RFX3: variants seen among roughly 807,000 people sequenced by gnomAD.
RFX3 encodes the protein regulatory factor X3, also known as transcription factor RFX3.
In RFX3, 14 loss-of-function variants were observed where a neutral mutation model predicts 98.6. The observed-to-expected ratio is 0.14, with a 90% CI of 0.09 to 0.22. The LOEUF (loss-of-function observed/expected upper bound fraction) is 0.22. Among genes scored for constraint, RFX3 ranks in the 10% least tolerant of loss-of-function variants. RFX3 has a pLI of 1.00. For synonymous variants in RFX3, 383 were observed against 328.4 expected (o/e 1.17, Z -1.80); for missense variants, 639 against 926.9 (o/e 0.69, Z 4.03).
rs1286734590 is a variant in RFX3, at chr9:3,475,839, AACTCCCCTGGGGAAAGGGAG to A, written c.-9+49888_-9+49907del. ...GAGGTGGAGTAGAGTGTCTTCTCTAAACTCCCCTGGGGAAAGGGAGACTCCCCTTCCCAGTCTGCTAAGTA... is the reference window on the plus strand; with the variant it reads ...GAGGTGGAGTAGAGTGTCTTCTCTAAACTCCCCTTCCCAGTCTGCTAAGTA... On this transcript the variant is annotated intron_variant, in intron 1 of 16. Coordinates refer to ENST00000617270, the MANE Select transcript of RFX3 (RefSeq NM_001282116.2). Among the ~76,000 whole-genome samples the A allele has an allele frequency of 3.9e-5, 6 of 152,198 alleles. No homozygotes were observed. In the East Asian group the frequency reaches 1.2e-3, roughly 29 times the overall value.
At chr9:3,326,539 T>C (rs565198800) in intron 4 of RFX3, among the ~76,000 whole-genome samples, 82 of 152,286 alleles carry the variant, frequency 5.4e-4, no homozygotes, top group African/African-American at 1.9e-3. Flanking sequence ...TATGTGTCCA[T>C]GTATTCTCAT....
chr9:3,502,346 A>C (rs987917636), intron 1 of RFX3, among the ~76,000 whole-genome samples: 21 of 152,150 alleles, frequency 1.4e-4, no homozygotes, highest in Non-Finnish European at 2.4e-4. Context: ...AAATGAGCTG[A>C]TTTTTGAAAT....
chr9:3,423,452 G>C (rs988668300), intron 1 of RFX3, among the ~76,000 whole-genome samples: 2 of 152,128 alleles, frequency 1.3e-5, no homozygotes, highest in African/African-American at 2.4e-5. Flanking sequence ...GGAATAAAAA[G>C]AACTATTCAT....
Position 3,230,524 on chromosome 9 carries a change from A to G in RFX3, c.1969-1635T>C, listed in dbSNP as rs186231935. ...TCTAAATAAAAATTCAGTGTAAATTATGTGGATTTTCTTGAATTAAAGAAT... is the reference window on the plus strand; with the variant it reads ...TCTAAATAAAAATTCAGTGTAAATTGTGTGGATTTTCTTGAATTAAAGAAT... On this transcript the variant is annotated intron_variant, in intron 15 of 16. Coordinates refer to ENST00000617270, the MANE Select transcript of RFX3 (RefSeq NM_001282116.2). 2.7e-3 allele frequency among the ~76,000 whole-genome samples: 414 copies of G among 152,328 alleles called. 3 individuals carry two copies. Among genetic ancestry groups the G allele is most frequent in the African/African-American group, 9.7e-3 (403 of 41,586 alleles).
At chr9:3,363,053 G>A (rs1383357677) in intron 2 of RFX3, among the ~76,000 whole-genome samples, 1 of 152,148 alleles carries the variant, frequency 6.6e-6, no homozygotes, top group Non-Finnish European at 1.5e-5. Flanking sequence ...TTATAACACT[G>A]TATTAAGCAT....
At chr9:3,366,701 T>TCTTTCTTTCTTTCTTTC (rs1837172452) in intron 2 of RFX3, among the ~76,000 whole-genome samples, 3 of 99,916 alleles carry the variant, frequency 3.0e-5, no homozygotes, top group Admixed American at 2.9e-4. Flanking sequence ...TTCCTTTCTT[T>TCTTTCTTTCTTTCTTTC]CTTTCTTTCT....
At chr9:3,456,145 C>A (rs931174794) in intron 1 of RFX3, among the ~76,000 whole-genome samples, 1 of 152,218 alleles carries the variant, frequency 6.6e-6, no homozygotes, top group African/African-American at 2.4e-5. Context: ...AAGGAGCCCT[C>A]ATGACCTTAT....
At chr9:3,478,292 A>T (rs1450744743) in intron 1 of RFX3, among the ~76,000 whole-genome samples, 1 of 151,746 alleles carries the variant, frequency 6.6e-6, no homozygotes, top group Non-Finnish European at 1.5e-5. Context: ...ATTCCCCTAA[A>T]TTTTTTAATC....
chr9:3,509,003 G>C (rs887790344), intron 1 of RFX3, among the ~76,000 whole-genome samples: 3 of 151,662 alleles, frequency 2.0e-5, no homozygotes, highest in African/African-American at 4.8e-5. Context: ...AGAGGAGAGA[G>C]AGAGAAATAA....
intron 1 of RFX3, among the ~76,000 whole-genome samples, chr9:3,503,311 AAGAG>A (rs1345814678): frequency 1.3e-5 from 2 of 152,172 alleles, no homozygotes; most frequent in African/African-American, 4.8e-5. Context: ...TATAAGTTCA[AAGAG>A]AGAAAGATGG....
chr9:3,342,318 AGTGTTTCACTGCTT>A (rs1833975546), intron 3 of RFX3, among the ~76,000 whole-genome samples: 1 of 152,190 alleles, frequency 6.6e-6, no homozygotes, highest in Admixed American at 6.5e-5. Flanking sequence ...TGAATCACAC[AGTGTTTCACTGCTT>A]GTGTAACCAC....
At chr9:3,321,765 T>C (rs918475458) in intron 4 of RFX3, among the ~76,000 whole-genome samples, 2 of 152,144 alleles carry the variant, frequency 1.3e-5, no homozygotes, top group African/African-American at 2.4e-5. Flanking sequence ...CCCACTCTAA[T>C]GATAAAACAC....
chr9:3,277,554 A>G (rs1323839585), intron 7 of RFX3, 93 bp from the exon 8 acceptor site: 8 of 1,097,544 alleles, frequency 7.3e-6, no homozygotes, highest in East Asian at 2.5e-5. Context: ...GTTTTATTCT[A>G]TCTTCTTTAA....
At chr9:3,403,480 G>A (rs1841671141) in intron 1 of RFX3, among the ~76,000 whole-genome samples, 1 of 152,112 alleles carries the variant, frequency 6.6e-6, no homozygotes, top group Non-Finnish European at 1.5e-5. Context: ...TCATCTTCCT[G>A]TGATAACTGA....
At chr9:3,504,553 GCATATAAAA>G (rs1816539473) in intron 1 of RFX3, among the ~76,000 whole-genome samples, 1 of 132,806 alleles carries the variant, frequency 7.5e-6, no homozygotes, top group African/African-American at 3.0e-5. Context: ...GGTATATATT[GCATATAAAA>G]TATATAGTAT....
At chr9:3,453,168 T>C (rs1211706357) in intron 1 of RFX3, among the ~76,000 whole-genome samples, 1 of 152,048 alleles carries the variant, frequency 6.6e-6, no homozygotes, top group Non-Finnish European at 1.5e-5. Flanking sequence ...TCAGTATAAA[T>C]GGAAGTCTGT....
intron 15 of RFX3, among the ~76,000 whole-genome samples, chr9:3,243,784 C>A: frequency 6.6e-6 from 1 of 152,142 alleles, no homozygotes; most frequent in East Asian, 1.9e-4. Flanking sequence ...AAATACCCAG[C>A]AAAGTTTGTG....
chr9:3,336,111 C>A (rs1417706849), intron 3 of RFX3, among the ~76,000 whole-genome samples: 1 of 152,016 alleles, frequency 6.6e-6, no homozygotes, highest in Non-Finnish European at 1.5e-5. Flanking sequence ...GAAAGTGATA[C>A]ATTAAGGAAA....
chr9:3,288,261 G>T lies in RFX3; in HGVS notation c.732-11C>A. 6.2e-7 allele frequency: 1 copy of T among 1,610,468 alleles called. No homozygotes were observed. The highest frequency in any genetic ancestry group is 8.5e-7 in the Non-Finnish European group (1 of 1,177,278). On this transcript the variant is annotated splice_polypyrimidine_tract_variant and intron_variant, in intron 6 of 16. Coordinates refer to ENST00000617270, the MANE Select transcript of RFX3 (RefSeq NM_001282116.2). ...TATTTGGAGTTTCCTCTTCATTAAT[G>T]AACAAGAAACATTAGAAACAAAAGT...
Sources: gnomAD v4.1 joint callset for allele counts (sites outside exome capture counted in the v4.1 genomes callset) on GRCh38, gnomAD v4.1.1 for gene constraint, MANE v1.5 for transcripts, NCBI Gene and HGNC (gene_info 2026-07-23, HGNC 2026-07-21) for gene names.